SNX32: variants seen among roughly 807,000 people sequenced by gnomAD.
SNX32 encodes sorting nexin 32.
Under a neutral mutation model 57.0 loss-of-function variants are expected in SNX32, and 58 were observed. The ratio of observed to expected loss-of-function variants is 1.02; its 90% CI spans 0.82 to 1.27. SNX32 has a LOEUF of 1.27. Among genes scored for constraint, SNX32 ranks in the 50% most tolerant of loss-of-function variants. The probability of loss-of-function intolerance (pLI) is 0.00; values close to 1 mark genes in which losing one functional copy is unlikely to be tolerated. For synonymous variants in SNX32, 262 were observed against 220.4 expected, an observed-to-expected ratio of 1.19 and a Z score of -1.67; for missense variants, 589 against 541.2, an observed-to-expected ratio of 1.09 and a Z score of -0.88.
intron 1 of SNX32, among the ~76,000 whole-genome samples, chr11:65,838,743 T>C (rs1370104055): frequency 6.6e-6 from 1 of 152,098 alleles, no homozygotes; most frequent in Non-Finnish European, 1.5e-5. Context: ...CAAGTATCAA[T>C]AAATTTTAAA....
Position 65,853,334 on chromosome 11 carries a change from A to G in SNX32, c.1211A>G (p.Ter404TrpextTer9), listed in dbSNP as rs1565256897. The change falls in exon 13 of 13, where the codon TAG becomes TGG. Residue 404 changes from the stop codon to tryptophan (W), a stop_lost. Coordinates refer to ENST00000308342, the MANE Select transcript of SNX32 (RefSeq NM_152760.3). ...CTTGTTGCCCTAAAGGGGGAGCCTT[A>G]GAGTAGCCAGAGCTCAGCCAGACCC... Reference protein sequence around the residue: ...NTLVALKGEP* With the variant: ...NTLVALKGEPW The G allele has an allele frequency of 1.9e-6, 3 of 1,613,852 alleles. No individual in the cohort carries two copies. The highest frequency in any genetic ancestry group is 2.5e-6 in the Non-Finnish European group (3 of 1,179,984).
chr11:65,849,374 A>G, intron 1 of SNX32, 104 bp from the exon 2 acceptor site: 3 of 823,078 alleles, frequency 3.6e-6, no homozygotes, highest in Non-Finnish European at 5.9e-6. Context: ...TTGCTGAAGC[A>G]GTGCTGCTGA....
In SNX32 at chr11:65,847,901, T is replaced by C. The variant is rs374284450; in HGVS notation, c.37-1577T>C. Among the ~76,000 whole-genome samples, 108 of 148,078 alleles carry C rather than the reference T, an allele frequency of 7.3e-4. 2 individuals are homozygous for C. In the East Asian group the frequency reaches 0.012, roughly 17 times the overall value. ...CTCCAACCTGGGTGACAGAGCAAGA[T>C]GCTATCAAAAAAAAAAAAAAAGTGA... On this transcript the variant is annotated intron_variant, in intron 1 of 12. Coordinates refer to ENST00000308342, the MANE Select transcript of SNX32 (RefSeq NM_152760.3).
rs147627221 is a variant in SNX32 at position 65,849,747 on chromosome 11, C to T, written c.141+165C>T. 1.3e-5 allele frequency: 10 copies of T among 766,736 alleles called. No individual in the cohort carries two copies. In the South Asian group the frequency reaches 1.4e-4, roughly 10 times the overall value. 47.5% of individuals were successfully genotyped at this position (766,736 alleles called of 1,614,324 possible). ...GTGAGCCTCTTAGCTCTGCCTAAGGCCCCGAGTCCTAATCATTCCTGTCCA... is the reference window on the plus strand; with the variant it reads ...GTGAGCCTCTTAGCTCTGCCTAAGGTCCCGAGTCCTAATCATTCCTGTCCA... On this transcript the variant is annotated intron_variant, in intron 2 of 12. Transcript: ENST00000308342.
Position 65,850,831 on chromosome 11 carries a change from C to T in SNX32, c.579C>T (p.Leu193=), listed in dbSNP as rs1207944659. Residue 193 remains leucine (L), a synonymous_variant, in exon 6 of 13, where the codon CTC becomes CTT. Coordinates refer to ENST00000308342, the MANE Select transcript of SNX32 (RefSeq NM_152760.3). The part of the protein sequence containing the change: ...RNIVKSADEA[L]ITGMSGLKEV... ...TTGTGAAGTCCGCGGATGAAGCCCT[C>T]ATCACGGGCATGTCAGGGCTCAAGG... The T allele has an allele frequency of 6.2e-7, 1 of 1,613,910 alleles. No homozygotes were observed. Among genetic ancestry groups the T allele is most frequent in the Admixed American group, 1.7e-5 (1 of 60,000 alleles).
chr11:65,853,323 G>C lies in SNX32; in HGVS notation c.1200G>C (p.Lys400Asn), dbSNP rs758307809. The change falls in exon 13 of 13, where the codon AAG (lysine) becomes AAC (asparagine). Residue 400 changes from lysine (K) to asparagine (N), a missense_variant. Coordinates refer to ENST00000308342, the MANE Select transcript of SNX32 (RefSeq NM_152760.3). ...TCCGGAACACCCTTGTTGCCCTAAA[G>C]GGGGAGCCTTAGAGTAGCCAGAGCT... ...LILRNTLVAL[K>N]GEP 31 of 1,613,950 alleles carry C rather than the reference G, an allele frequency of 1.9e-5. No homozygotes were observed. In the Admixed American group the frequency reaches 4.7e-4, roughly 24 times the overall value.
chr11:65,850,542 A>G lies in SNX32; in HGVS notation c.486A>G (p.Glu162=). ...ACCACAACTTCTTTGTGTTTTTGGAATATGGACAGGATGTGAGCTGGGCCG... is the reference window on the plus strand; with the variant it reads ...ACCACAACTTCTTTGTGTTTTTGGAGTATGGACAGGATGTGAGCTGGGCCG... ...RRDHNFFVFL[E]YGQDLSVRGK... The change falls in exon 5 of 13, where the codon GAA becomes GAG. Residue 162 remains glutamate (E), a synonymous_variant. Coordinates refer to ENST00000308342, the MANE Select transcript of SNX32 (RefSeq NM_152760.3). 2 of 1,609,836 alleles carry G rather than the reference A, an allele frequency of 1.2e-6. No homozygotes were observed. Among genetic ancestry groups the G allele is most frequent in the Admixed American group, 1.7e-5 (1 of 59,072 alleles).
chr11:65,842,685 C>T (rs1181995247), intron 1 of SNX32, among the ~76,000 whole-genome samples: 1 of 151,260 alleles, frequency 6.6e-6, no homozygotes, highest in African/African-American at 2.4e-5. Context: ...CACGGTGGCT[C>T]ATGGCTGTAA....
intron 9 of SNX32, 110 bp from the exon 10 acceptor site, chr11:65,852,355 G>C: frequency 1.0e-6 from 1 of 969,138 alleles, no homozygotes; most frequent in Non-Finnish European, 1.7e-6. Flanking sequence ...ACCTGACCTG[G>C]AACAGTTACC....
At chr11:65,847,660 A>AGGT (rs1565250752) in intron 1 of SNX32, among the ~76,000 whole-genome samples, 5 of 152,204 alleles carry the variant, frequency 3.3e-5, no homozygotes, top group Non-Finnish European at 5.9e-5. Flanking sequence ...CTGTAATCCC[A>AGGT]GCACCTTGGG....
At chr11:65,839,766 G>T (rs1282463410) in intron 1 of SNX32, among the ~76,000 whole-genome samples, 2 of 149,674 alleles carry the variant, frequency 1.3e-5, no homozygotes, top group African/African-American at 4.9e-5. Flanking sequence ...AGCTGAATAA[G>T]CAATATATAA....
chr11:65,852,717 G>C lies in SNX32; in HGVS notation c.1000G>C (p.Val334Leu). 1 of 1,600,862 alleles carries C rather than the reference G, an allele frequency of 6.2e-7. No homozygotes were observed. The highest frequency in any genetic ancestry group is 8.5e-7 in the Non-Finnish European group (1 of 1,177,144). The change falls in exon 11 of 13, where the codon GTG (valine) becomes CTG (leucine). Residue 334 changes from valine (V) to leucine (L), a missense_variant. Transcript: ENST00000308342. ...CAAGGCGCGCACCAGGAACCGGGAG[G>C]TGCGGCCCGCCGAGAGCCACCAGCA... ...LDKARTRNRE[V>L]RPAESHQQLC...
intron 1 of SNX32, among the ~76,000 whole-genome samples, chr11:65,848,824 G>T (rs532277214): frequency 6.6e-6 from 1 of 152,264 alleles, no homozygotes; most frequent in African/African-American, 2.4e-5. Context: ...AAGTAACTGA[G>T]AAAGTGCATG....
chr11:65,850,454 A>C lies in SNX32; in HGVS notation c.398A>C (p.Lys133Thr). Residue 133 changes from lysine (K) to threonine (T), a missense_variant, in exon 5 of 13, where the codon AAG (lysine) becomes ACG (threonine). Coordinates refer to ENST00000308342, the MANE Select transcript of SNX32 (RefSeq NM_152760.3). ...LEAEYLAIFKKTVAMHEVFLQ... is the reference protein window; with the variant it reads ...LEAEYLAIFKTTVAMHEVFLQ... ...AGGGAGTACCTGGCCATCTTTAAGA[A>C]GACAGTTGCGATGCACGAAGTCTTT... The C allele has an allele frequency of 6.2e-7, 1 of 1,614,206 alleles. No individual in the cohort carries two copies. The highest frequency in any genetic ancestry group is 8.5e-7 in the Non-Finnish European group (1 of 1,180,022).
intron 12 of SNX32, 144 bp downstream of exon 12, chr11:65,853,102 G>A (rs556795104): frequency 1.2e-5 from 15 of 1,268,308 alleles, no homozygotes; most frequent in African/African-American, 2.9e-5. Flanking sequence ...CCCAGCTAAG[G>A]CTTGGGGCCA....
At chr11:65,849,874 G>T in intron 2 of SNX32, 46 bp from the exon 3 acceptor site, 1 of 1,477,776 alleles carries the variant, frequency 6.8e-7, no homozygotes. Flanking sequence ...TGCTGAGGCA[G>T]GGCTTGGGGC....
intron 1 of SNX32, 78 bp from the exon 2 acceptor site, chr11:65,849,400 T>A: frequency 6.5e-6 from 7 of 1,079,504 alleles, no homozygotes; most frequent in Non-Finnish European, 9.6e-6. Flanking sequence ...GTTCTGCAGG[T>A]GGATCAGAAA....
At position 65,849,528 on chromosome 11, in the gene SNX32, G is replaced by T. The variant is rs145234691; in HGVS notation, c.87G>T (p.Glu29Asp). Residue 29 changes from glutamate to aspartate, a missense_variant, in exon 2 of 13, where the codon GAG becomes GAT. Physicochemically the swap from Glu to Asp is conservative, Grantham distance 45. Coordinates refer to ENST00000308342, the MANE Select transcript of SNX32 (RefSeq NM_152760.3). The stretch of plus-strand genomic sequence containing the variant: ...AGGGAGACAGCTCCTTACAGGTGGA[G>T]ATTTCTGACGCAGTGAGTGAGCGGG... ...DLQGDSSLQV[E>D]ISDAVSERDK... 1 of 1,614,208 alleles carries T rather than the reference G, an allele frequency of 6.2e-7. No individual in the cohort carries two copies. Among genetic ancestry groups the T allele is most frequent in the South Asian group, 1.1e-5 (1 of 91,086 alleles).
At chr11:65,837,010 T>A (rs963589850) in intron 1 of SNX32, among the ~76,000 whole-genome samples, 4 of 152,166 alleles carry the variant, frequency 2.6e-5, no homozygotes, top group African/African-American at 7.2e-5. Context: ...GGCACATGTA[T>A]ACCTGTGTAA....
Sources: gnomAD v4.1 joint callset for allele counts (sites outside exome capture counted in the v4.1 genomes callset) on GRCh38, gnomAD v4.1.1 for gene constraint, MANE v1.5 for transcripts, NCBI Gene and HGNC (gene_info 2026-07-23, HGNC 2026-07-21) for gene names.